Variants in SIN3B observed in about 807,000 individuals in gnomAD.
SIN3B encodes SIN3 transcription regulator family member B.
A neutral mutation model predicts 120.2 loss-of-function variants in SIN3B; 19 were observed. The observed-to-expected ratio is 0.16, with a 90% CI of 0.11 to 0.23. The LOEUF is 0.23. Ranked by LOEUF, SIN3B falls within the 10% of genes least tolerant of loss-of-function variation. SIN3B has a pLI of 1.00. For synonymous variants in SIN3B, 654 were observed against 653.2 expected (o/e 1.00, Z -0.02); for missense variants, 1,073 against 1,573.0 (o/e 0.68, Z 5.38).
chr19:16,833,993 G>A (rs554614979), intron 3 of SIN3B, among the ~76,000 whole-genome samples: 1 of 152,170 alleles, frequency 6.6e-6, no homozygotes, highest in East Asian at 1.9e-4. Context: ...CCAAAGTGCT[G>A]GGATTACAGG....
intron 8 of SIN3B, among the ~76,000 whole-genome samples, chr19:16,857,538 T>TGG: frequency 7.2e-6 from 1 of 139,776 alleles, no homozygotes; most frequent in African/African-American, 2.7e-5. Flanking sequence ...TGTGTGTGTG[T>TGG]GTGTGTGTGT....
At chr19:16,857,549 G>A (rs1305814116) in intron 8 of SIN3B, among the ~76,000 whole-genome samples, 24 of 144,126 alleles carry the variant, frequency 1.7e-4, no homozygotes, top group Middle Eastern at 3.4e-3. Flanking sequence ...GTGTGTGTGT[G>A]TGTGTATATA....
chr19:16,841,694 G>GGAAC, intron 3 of SIN3B, 74 bp from the exon 4 acceptor site: 1 of 1,388,516 alleles, frequency 7.2e-7, no homozygotes, highest in Non-Finnish European at 1.0e-6. Flanking sequence ...TGTGCAGACA[G>GGAAC]TGGCTGGGCC....
At chr19:16,874,286 T>TA (rs1321379184) in intron 14 of SIN3B, among the ~76,000 whole-genome samples, 2 of 152,204 alleles carry the variant, frequency 1.3e-5, no homozygotes, top group Non-Finnish European at 2.9e-5. Flanking sequence ...TGGCCTGGTC[T>TA]GTTTTGTTCA....
intron 11 of SIN3B, 105 bp from the exon 12 acceptor site, chr19:16,866,268 T>C (rs1229110329): frequency 2.6e-6 from 3 of 1,171,236 alleles, no homozygotes; most frequent in Non-Finnish European, 3.6e-6. Context: ...TGGGCCTGGG[T>C]CCTGGACCCC....
chr19:16,840,272 T>C (rs1355052231), intron 3 of SIN3B, among the ~76,000 whole-genome samples: 5 of 152,150 alleles, frequency 3.3e-5, no homozygotes, highest in Non-Finnish European at 5.9e-5. Context: ...GGGTAGGCCC[T>C]AATCCAGTCT....
intron 5 of SIN3B, among the ~76,000 whole-genome samples, chr19:16,849,776 C>T (rs1035845349): frequency 1.3e-5 from 2 of 152,132 alleles, no homozygotes; most frequent in Non-Finnish European, 2.9e-5. Context: ...TTTTGGGAAT[C>T]AGTTTACACC....
At position 16,865,697 on chromosome 19, in the gene SIN3B, C is replaced by T. The variant is rs8112344; in HGVS notation, c.1622+49C>T. 3.5e-4 allele frequency: 338 copies of T among 955,892 alleles called. 3 individuals are homozygous for T. The African/African-American group carries it at 4.7e-3, about 13-fold the overall frequency. The allele number at this position is 955,892 out of a possible 1,614,324, so 59.2% of individuals were successfully genotyped here. A position where few individuals can be genotyped will look rare whatever the true frequency, so the allele number is the denominator to read the frequency against. ...CCTTCCCCTTCCCCTTCCCCCTTCC[C>T]TCCCCTCCCCTCCCCTCCCCTCCCC... On this transcript the variant is annotated intron_variant, in intron 11 of 18. Transcript: ENST00000248054.
At chr19:16,861,763 C>CA (rs959913779) in intron 8 of SIN3B, among the ~76,000 whole-genome samples, 11,964 of 74,188 alleles carry the variant, frequency 0.16, 713 homozygotes, top group Middle Eastern at 0.25. Flanking sequence ...AACTCTGTCT[C>CA]AAAAAAAAAA....
chr19:16,842,026 T>C, intron 4 of SIN3B, 58 bp downstream of exon 4: 1 of 1,290,388 alleles, frequency 7.7e-7, no homozygotes, highest in Non-Finnish European at 1.1e-6. Context: ...TTTGGGGCCC[T>C]GCAGATATTC....
At position 16,862,861 on chromosome 19, in the gene SIN3B, GA is replaced by G. The variant is rs757353182; in HGVS notation, c.1266+303del. ...GATTCTGCTCTGTCCCGGGCTCACT[GA>G]CCTCAGTGTGTTTCTGTTTAGCTTG... is the stretch of plus-strand genomic sequence containing the variant. On this transcript the variant is annotated intron_variant, in intron 9 of 18. Coordinates refer to ENST00000248054, the MANE Select transcript of SIN3B (RefSeq NM_001297595.2). This position sits in a 1 kb window ranked among gnomAD's most constrained non-coding sequence, Gnocchi z 4.7. 1.4e-5 allele frequency: 23 copies of G among 1,587,112 alleles called. No homozygotes were observed. The highest frequency in any genetic ancestry group is 1.8e-5 in the Non-Finnish European group (21 of 1,155,576).
At chr19:16,848,921 T>G (rs1171584079) in intron 5 of SIN3B, among the ~76,000 whole-genome samples, 1 of 152,246 alleles carries the variant, frequency 6.6e-6, no homozygotes, top group Non-Finnish European at 1.5e-5. Flanking sequence ...TACAAGCATA[T>G]GCCATTGTGC....
chr19:16,831,112 G>T (rs1322865862), intron 2 of SIN3B, among the ~76,000 whole-genome samples: 1 of 151,814 alleles, frequency 6.6e-6, no homozygotes, highest in Non-Finnish European at 1.5e-5. Flanking sequence ...GCCCAGGCTG[G>T]AGTGCAGTGG....
In SIN3B at chr19:16,863,476, A is replaced by G. The variant is rs1215675257; in HGVS notation, c.1267-204A>G. 22 of 575,360 alleles carry G rather than the reference A, an allele frequency of 3.8e-5. No homozygotes were observed. In the East Asian group the frequency reaches 4.3e-4, roughly 11 times the overall value. The allele number at this position is 575,360 out of a possible 1,614,324, so 35.6% of individuals were successfully genotyped here. On this transcript the variant is annotated intron_variant, in intron 9 of 18. Transcript: ENST00000248054. ...GTCTTCAGGGGTGGTTCTGGAACCA[A>G]TCTCCCAGGATACCAAGGGAGTGTC...
intron 14 of SIN3B, among the ~76,000 whole-genome samples, chr19:16,873,093 CAG>C (rs1265348324): frequency 4.6e-5 from 7 of 151,978 alleles, no homozygotes; most frequent in South Asian, 2.1e-4. Context: ...CCCTGGGGCT[CAG>C]GGGCGTCTCT....
At chr19:16,853,503 G>A (rs764759232) in intron 7 of SIN3B, among the ~76,000 whole-genome samples, 12 of 152,266 alleles carry the variant, frequency 7.9e-5, no homozygotes, top group Non-Finnish European at 1.6e-4. Flanking sequence ...CAAGGTGGCC[G>A]TGTGCATGGG....
intron 7 of SIN3B, among the ~76,000 whole-genome samples, chr19:16,853,699 C>G (rs982356370): frequency 7.2e-6 from 1 of 137,962 alleles, no homozygotes; most frequent in East Asian, 2.2e-4. Flanking sequence ...CTGCACGGAT[C>G]GCGTGCACGG....
intron 10 of SIN3B, among the ~76,000 whole-genome samples, chr19:16,864,036 G>A (rs1971726409): frequency 6.6e-6 from 1 of 152,208 alleles, no homozygotes; most frequent in East Asian, 1.9e-4. Flanking sequence ...GCAGACACCT[G>A]TAATCCCAAC....
Position 16,878,667 on chromosome 19 carries a change from GCACGGCC to G in SIN3B, c.3334_3340del (p.His1112CysfsTer3). On this transcript the variant is annotated frameshift_variant, in exon 19 of 19. Transcript: ENST00000248054. LOFTEE classifies it high-confidence loss of function. Reference sequence around the variant, plus strand: ...AGACGCTGTGTGAGACAGTGCACGTGCACGGCCTGCCCGTGACCCGCTACCGCGTGCA... The same window carrying G: ...AGACGCTGTGTGAGACAGTGCACGTGTGCCCGTGACCCGCTACCGCGTGCA... 1 of 1,612,940 alleles carries G rather than the reference GCACGGCC, an allele frequency of 6.2e-7. No individual in the cohort carries two copies. Among genetic ancestry groups the G allele is most frequent in the Non-Finnish European group, 8.5e-7 (1 of 1,179,722 alleles).
Sources: allele counts gnomAD v4.1 joint callset (sites outside exome capture counted in the v4.1 genomes callset), GRCh38; gene constraint gnomAD v4.1.1; non-coding constraint Gnocchi (gnomAD v3.1); transcripts MANE v1.5; gene names NCBI Gene and HGNC (gene_info 2026-07-23, HGNC 2026-07-21).